SFXN2: variants seen among roughly 807,000 people sequenced by gnomAD.
SFXN2 encodes sideroflexin-2.
Under a neutral mutation model 41.9 loss-of-function variants are expected in SFXN2, and 37 were observed. The observed-to-expected ratio is 0.88, with a 90% CI of 0.68 to 1.16. The LOEUF is 1.16. Among genes scored for constraint, SFXN2 ranks in the 50% most tolerant of loss-of-function variants. SFXN2 has a pLI of 0.00. For synonymous variants in SFXN2, 150 were observed against 156.7 expected (o/e 0.96, Z 0.32); for missense variants, 386 against 425.2 (o/e 0.91, Z 0.81).
intron 1 of SFXN2, among the ~76,000 whole-genome samples, chr10:102,723,681 C>T (rs557755145): frequency 6.6e-6 from 1 of 152,262 alleles, no homozygotes; most frequent in East Asian, 1.9e-4. Context: ...ATAGTAATTC[C>T]AATGATCTAG....
intron 1 of SFXN2, among the ~76,000 whole-genome samples, chr10:102,717,354 A>T (rs1483797512): frequency 6.6e-6 from 1 of 151,944 alleles, no homozygotes; most frequent in Non-Finnish European, 1.5e-5. Flanking sequence ...GATGGTCTCG[A>T]TCTGACCTCG....
chr10:102,733,597 G>C lies in SFXN2; in HGVS notation c.815G>C (p.Gly272Ala). 6.2e-7 allele frequency: 1 copy of C among 1,613,996 alleles called. No individual in the cohort carries two copies. The highest frequency in any genetic ancestry group is 8.5e-7 in the Non-Finnish European group (1 of 1,179,858). The change falls in exon 10 of 12, where the codon GGG becomes GCG. Residue 272 changes from glycine to alanine, a missense_variant. Coordinates refer to ENST00000369893, the MANE Select transcript of SFXN2 (RefSeq NM_178858.6). Reference protein sequence around the residue: ...LHAPLQVMLSGCFLIFMVPVA... With the variant: ...LHAPLQVMLSACFLIFMVPVA... ...GCCCCATTGCAGGTCATGCTGAGCG[G>C]GTGCTTGTAAGTATCATATTTTGAT...
chr10:102,732,263 G>C, intron 8 of SFXN2, 45 bp downstream of exon 8: 1 of 1,574,986 alleles, frequency 6.3e-7, no homozygotes. Flanking sequence ...CTGTGACACA[G>C]GGTGGAGGTC....
chr10:102,720,074 C>T (rs1189094292), intron 1 of SFXN2, among the ~76,000 whole-genome samples: 1 of 151,884 alleles, frequency 6.6e-6, no homozygotes, highest in African/African-American at 2.4e-5. Context: ...TAATGGGTCA[C>T]GAGGTCAGGA....
Position 102,726,728 on chromosome 10 carries a change from C to T in SFXN2, c.92C>T (p.Thr31Met), listed in dbSNP as rs200012623. ...AGAGTGAAGCACTTCCTAAACATCA[C>T]GGACCCCCGCACTGTCTTTGTATCT... ...LGRVKHFLNI[T>M]DPRTVFVSER... Residue 31 changes from threonine (T) to methionine (M), a missense_variant, in exon 2 of 12, where the codon ACG (threonine) becomes ATG (methionine). Coordinates refer to ENST00000369893, the MANE Select transcript of SFXN2 (RefSeq NM_178858.6). 416 of 1,614,060 alleles carry T rather than the reference C, an allele frequency of 2.6e-4. 1 individual carries two copies. Among genetic ancestry groups the T allele is most frequent in the Middle Eastern group, 6.6e-4 (4 of 6,084 alleles).
intron 1 of SFXN2, among the ~76,000 whole-genome samples, chr10:102,723,259 G>GT (rs56236002): frequency 0.04 from 4,604 of 116,114 alleles, 171 homozygotes; most frequent in African/African-American, 0.1. Context: ...AGAAAGTTTT[G>GT]TTTTTTTTTT....
chr10:102,735,772 C>A, intron 10 of SFXN2, 90 bp from the exon 11 acceptor site: 1 of 1,359,978 alleles, frequency 7.4e-7, no homozygotes, highest in Non-Finnish European at 1.1e-6. Flanking sequence ...AGGCCAGGTG[C>A]CTGGGCATTG....
chr10:102,733,675 C>G lies in SFXN2; in HGVS notation c.821+72C>G. The G allele has an allele frequency of 3.1e-6, 4 of 1,306,712 alleles. No individual in the cohort carries two copies. In the South Asian group the frequency reaches 4.7e-5, roughly 15 times the overall value. The allele number at this position is 1,306,712 out of a possible 1,614,324, so 80.9% of individuals were successfully genotyped here. A position where few individuals can be genotyped will look rare whatever the true frequency, so the allele number is the denominator to read the frequency against. ...TCAAGATGTGTCGTCTTGTCTAGCC[C>G]GTGTTGGAGAACGTGTACTCCTTTA... On this transcript the variant is annotated intron_variant, in intron 10 of 11. Transcript: ENST00000369893.
At chr10:102,728,300 A>G (rs151331310) in intron 3 of SFXN2, 131 bp from the exon 4 acceptor site, 319 of 713,024 alleles carry the variant, frequency 4.5e-4, no homozygotes, top group African/African-American at 4.2e-3. Context: ...CTCCGTCTCA[A>G]AAAAATAAAA....
intron 1 of SFXN2, among the ~76,000 whole-genome samples, chr10:102,723,259 G>T (rs867808534): frequency 1.6e-4 from 19 of 116,416 alleles, no homozygotes; most frequent in East Asian, 1.0e-3. Flanking sequence ...AGAAAGTTTT[G>T]TTTTTTTTTT....
chr10:102,718,222 G>A (rs1005952457), intron 1 of SFXN2, among the ~76,000 whole-genome samples: 2 of 152,246 alleles, frequency 1.3e-5, no homozygotes, highest in African/African-American at 4.8e-5. Context: ...CCTCCATTCT[G>A]AGAAGCAGAG....
In SFXN2 at chr10:102,738,045, C is replaced by G. The variant is rs985507054; in HGVS notation, c.*283C>G. 6.8e-5 allele frequency: 15 copies of G among 220,242 alleles called. No individual in the cohort carries two copies. Among genetic ancestry groups the G allele is most frequent in the Non-Finnish European group, 1.8e-5 (2 of 112,074 alleles). 13.6% of individuals were successfully genotyped at this position (220,242 alleles called of 1,614,324 possible). On this transcript the variant is annotated 3_prime_UTR_variant, in exon 12 of 12. Transcript: ENST00000369893. ...TGAGGCCCTCTCAGGGAGGAGACATCCAAGCAAATCATTTGGAAAAGTTAG... is the reference window on the plus strand; with the variant it reads ...TGAGGCCCTCTCAGGGAGGAGACATGCAAGCAAATCATTTGGAAAAGTTAG...
At chr10:102,722,708 GT>G (rs1217350565) in intron 1 of SFXN2, among the ~76,000 whole-genome samples, 1 of 150,956 alleles carries the variant, frequency 6.6e-6, no homozygotes. Context: ...GCCTGGCTAT[GT>G]TTTTTTCTTT....
In SFXN2 at chr10:102,734,698, GC is replaced by G. The variant is rs1469218702; in HGVS notation, c.821+1098del. Among the ~76,000 whole-genome samples the G allele has an allele frequency of 6.6e-6, 1 of 152,154 alleles. No individual in the cohort carries two copies. The highest frequency in any genetic ancestry group is 2.4e-5 in the African/African-American group (1 of 41,436). ...AGGCACTGCAAAGTGGTCTGCAGTAGCCCTAAAAAGTAGGTTGTCCTCCCTC... is the reference window on the plus strand; with the variant it reads ...AGGCACTGCAAAGTGGTCTGCAGTAGCCTAAAAAGTAGGTTGTCCTCCCTC... On this transcript the variant is annotated intron_variant, in intron 10 of 11. Coordinates refer to ENST00000369893, the MANE Select transcript of SFXN2 (RefSeq NM_178858.6). This position sits in a 1 kb window ranked among gnomAD's most constrained non-coding sequence, Gnocchi z 4.1.
intron 1 of SFXN2, among the ~76,000 whole-genome samples, chr10:102,721,478 G>T (rs1054500691): frequency 2.1e-4 from 31 of 147,126 alleles, no homozygotes; most frequent in African/African-American, 6.7e-4. Flanking sequence ...ATAGCTATAT[G>T]AATTATTTAT....
intron 6 of SFXN2, 35 bp from the exon 7 acceptor site, chr10:102,731,688 C>T: frequency 6.2e-7 from 1 of 1,600,290 alleles, no homozygotes; most frequent in Non-Finnish European, 8.6e-7. Flanking sequence ...TCCATCACCC[C>T]TTTCCCAAGT....
chr10:102,743,064 G>A lies in SFXN2; in HGVS notation c.*5302G>A, dbSNP rs1288389714. On this transcript the variant is annotated 3_prime_UTR_variant, in exon 12 of 12. Coordinates refer to ENST00000369893, the MANE Select transcript of SFXN2 (RefSeq NM_178858.6). ...AGGTGAGATAAAGAGAAGTAGACAG[G>A]GACGAAGTCACAGAGAGGACCGTGT... 6.6e-6 allele frequency: 1 copy of A among 152,218 alleles called. No homozygotes were observed. The highest frequency in any genetic ancestry group is 2.4e-5 in the African/African-American group (1 of 41,426). 9.4% of individuals were successfully genotyped at this position (152,218 alleles called of 1,614,324 possible).
chr10:102,723,321 G>A (rs61869214), intron 1 of SFXN2, among the ~76,000 whole-genome samples: 116 of 151,300 alleles, frequency 7.7e-4, no homozygotes, highest in Non-Finnish European at 1.4e-3. Context: ...GCGTGATCTC[G>A]GCTCACTGCA....
intron 1 of SFXN2, among the ~76,000 whole-genome samples, chr10:102,719,230 C>CT (rs1270163148): frequency 6.4e-4 from 95 of 147,664 alleles, no homozygotes; most frequent in African/African-American, 2.2e-3. Context: ...GCCTCAGCTT[C>CT]TTTTTTTTTG....
Sources: gnomAD v4.1 joint callset for allele counts (sites outside exome capture counted in the v4.1 genomes callset) on GRCh38, gnomAD v4.1.1 for gene constraint, Gnocchi (gnomAD v3.1) non-coding constraint, MANE v1.5 for transcripts, NCBI Gene and HGNC (gene_info 2026-07-23, HGNC 2026-07-21) for gene names.